Variants in FSD1 observed in about 807,000 individuals in gnomAD.
FSD1 encodes the protein fibronectin type III and SPRY domain containing 1.
A neutral mutation model predicts 58.2 loss-of-function variants in FSD1; 23 were observed. That is an observed-to-expected ratio of 0.40 (90% CI 0.28 to 0.56). The LOEUF is 0.56. Ranked by LOEUF, FSD1 falls within the 20% of genes least tolerant of loss-of-function variation. The pLI is 0.54. For synonymous variants in FSD1, 265 were observed against 263.4 expected (o/e 1.01, Z -0.06); for missense variants, 563 against 670.8 (o/e 0.84, Z 1.78).
chr19:4,311,775 C>A, intron 6 of FSD1, 67 bp from the exon 7 acceptor site: 1 of 1,472,888 alleles, frequency 6.8e-7, no homozygotes, highest in Non-Finnish European at 9.5e-7. Flanking sequence ...GGCAGCCCTG[C>A]AGCAAGCCCC....
At chr19:4,318,279 C>T (rs367852981) in intron 8 of FSD1, 67 bp from the exon 9 acceptor site, 5 of 1,607,532 alleles carry the variant, frequency 3.1e-6, no homozygotes, top group Admixed American at 3.3e-5. Flanking sequence ...CTCTCTGTCT[C>T]TCTGTCTCTC....
rs540812123 is a variant in FSD1, at chr19:4,317,383, C to T, written c.799+103C>T. 3 of 731,590 alleles carry T rather than the reference C, an allele frequency of 4.1e-6. No individual in the cohort carries two copies. The East Asian group carries it at 7.9e-5, about 19-fold the overall frequency. The allele number at this position is 731,590 out of a possible 1,614,324, so 45.3% of individuals were successfully genotyped here. A position where few individuals can be genotyped will look rare whatever the true frequency, so the allele number is the denominator to read the frequency against. On this transcript the variant is annotated intron_variant, in intron 8 of 12. Coordinates refer to ENST00000221856, the MANE Select transcript of FSD1 (RefSeq NM_024333.3). ...CTCGAAGCAGGGTTGCCCTGGCTGC[C>T]AGGAAGCTCAAAGCTCCGTCCACAG...
chr19:4,323,483 C>T lies in FSD1; in HGVS notation c.1380+47C>T, dbSNP rs1428125880. The T allele has an allele frequency of 4.4e-6, 7 of 1,596,914 alleles. No homozygotes were observed. Among genetic ancestry groups the T allele is most frequent in the African/African-American group, 1.3e-5 (1 of 74,622 alleles). On this transcript the variant is annotated intron_variant, in intron 12 of 12. Coordinates refer to ENST00000221856, the MANE Select transcript of FSD1 (RefSeq NM_024333.3). This position sits in a 1 kb window ranked among gnomAD's most constrained non-coding sequence, Gnocchi z 7.7. Reference sequence around the variant, plus strand: ...AGGGGGAGGAGAGGGTGGTGCTGGGCGCTGGGGTTTGAAGCTGAGCCCCTC... The same window carrying T: ...AGGGGGAGGAGAGGGTGGTGCTGGGTGCTGGGGTTTGAAGCTGAGCCCCTC...
intron 7 of FSD1, among the ~76,000 whole-genome samples, chr19:4,316,510 C>T (rs767696432): frequency 3.3e-5 from 5 of 151,968 alleles, no homozygotes; most frequent in South Asian, 4.1e-4. Context: ...CGTAAGCCAC[C>T]GCACCCAGAC....
chr19:4,319,216 CT>C (rs1465570448), intron 10 of FSD1, among the ~76,000 whole-genome samples: 1 of 152,220 alleles, frequency 6.6e-6, no homozygotes, highest in Non-Finnish European at 1.5e-5. Context: ...ATTTTCTGGA[CT>C]CCATGGAGTA....
At position 4,318,871 on chromosome 19, in the gene FSD1, G is replaced by T; in HGVS notation, c.960-1G>T. On this transcript the variant is annotated splice_acceptor_variant, in intron 9 of 12. Transcript: ENST00000221856. LOFTEE classifies it high-confidence loss of function. ...GCCTGCCCACTCCCTGCCCACCACA[G>T]AGGTACTCCATCTCCCAAGAGGATG... The T allele has an allele frequency of 6.2e-7, 1 of 1,613,396 alleles. No homozygotes were observed. The highest frequency in any genetic ancestry group is 1.7e-5 in the Admixed American group (1 of 60,010).
intron 6 of FSD1, chr19:4,311,433 G>C (rs1971689970): frequency 5.4e-6 from 1 of 186,310 alleles, no homozygotes; most frequent in Non-Finnish European, 1.1e-5. Flanking sequence ...TGGAATCCCA[G>C]CACTTTGGGA....
At chr19:4,310,688 G>C in intron 6 of FSD1, 92 bp downstream of exon 6, 7 of 1,427,218 alleles carry the variant, frequency 4.9e-6, no homozygotes, top group South Asian at 1.3e-5. Flanking sequence ...TATGGTGGAC[G>C]ACCCGGTGTC....
chr19:4,318,509 GCC>G lies in FSD1; in HGVS notation c.959+5_959+6del, dbSNP rs779117008. 8 of 1,594,188 alleles carry G rather than the reference GCC, an allele frequency of 5.0e-6. No individual in the cohort carries two copies. The Admixed American group carries it at 8.6e-5, about 17-fold the overall frequency. On this transcript the variant is annotated splice_donor_5th_base_variant and intron_variant, in intron 9 of 12. Coordinates refer to ENST00000221856, the MANE Select transcript of FSD1 (RefSeq NM_024333.3). ...CTCCCATCAACTCCCCAGCCAGGTA[GCC>G]TGCCCCCTCCCCTCCCTAAGTCTCT...
In FSD1 at chr19:4,318,504, A is replaced by T; in HGVS notation, c.958A>T (p.Arg320Ter). ...RTASPINSPA[R>*]GTPSPKRMPS... The stretch of plus-strand genomic sequence containing the variant: ...GGCGTCTCCCATCAACTCCCCAGCC[A>T]GGTAGCCTGCCCCCTCCCCTCCCTA... Residue 320 changes from arginine to a stop codon, truncating the protein, a stop_gained and splice_region_variant, in exon 9 of 13, where the codon AGA (arginine) becomes TGA (stop). Transcript: ENST00000221856. LOFTEE classifies it high-confidence loss of function. 6.3e-7 allele frequency: 1 copy of T among 1,599,554 alleles called. No individual in the cohort carries two copies. The highest frequency in any genetic ancestry group is 8.5e-7 in the Non-Finnish European group (1 of 1,172,594).
chr19:4,307,682 G>C (rs565804130), intron 3 of FSD1, among the ~76,000 whole-genome samples, 200 bp from the exon 4 acceptor site: 161 of 152,294 alleles, frequency 1.1e-3, no homozygotes, highest in Middle Eastern at 3.4e-3. Context: ...CGTGTTTTTA[G>C]GGAAGGGATT....
chr19:4,322,911 G>A (rs1461696323), intron 10 of FSD1, 75 bp from the exon 11 acceptor site: 1 of 1,505,364 alleles, frequency 6.6e-7, no homozygotes. Context: ...CTTGGGGGCT[G>A]GCCCTTTGTG....
At chr19:4,312,171 G>A in intron 7 of FSD1, 120 bp downstream of exon 7, 1 of 889,972 alleles carries the variant, frequency 1.1e-6, no homozygotes, top group Non-Finnish European at 1.7e-6. Context: ...GGGTCTGGAA[G>A]CAGCCTGGGG....
intron 8 of FSD1, among the ~76,000 whole-genome samples, chr19:4,317,754 C>G (rs1315080977): frequency 6.6e-6 from 1 of 152,232 alleles, no homozygotes; most frequent in African/African-American, 2.4e-5. Context: ...CACAGTGGCT[C>G]ACGCCTGTGA....
At chr19:4,309,028 T>C (rs1012438986) in intron 4 of FSD1, among the ~76,000 whole-genome samples, 12 of 152,092 alleles carry the variant, frequency 7.9e-5, no homozygotes, top group African/African-American at 2.9e-4. Flanking sequence ...TGAGCAGAGA[T>C]CGCACCACTG....
chr19:4,316,345 C>T (rs1203204927), intron 7 of FSD1, among the ~76,000 whole-genome samples: 1 of 151,880 alleles, frequency 6.6e-6, no homozygotes, highest in Non-Finnish European at 1.5e-5. Context: ...CCGCAGCCTC[C>T]TGAGTAGCTG....
chr19:4,308,818 A>G (rs1312146867), intron 4 of FSD1, among the ~76,000 whole-genome samples: 2 of 151,630 alleles, frequency 1.3e-5, no homozygotes, highest in African/African-American at 4.9e-5. Context: ...AGATCGCGCC[A>G]CCGCACTCCA....
chr19:4,316,501 G>A (rs953752644), intron 7 of FSD1, among the ~76,000 whole-genome samples: 5 of 151,978 alleles, frequency 3.3e-5, no homozygotes, highest in Admixed American at 1.3e-4. Context: ...CATTACAGGC[G>A]TAAGCCACCG....
intron 10 of FSD1, among the ~76,000 whole-genome samples, chr19:4,321,824 T>G (rs1272870856): frequency 1.4e-5 from 2 of 148,080 alleles, no homozygotes; most frequent in Non-Finnish European, 3.0e-5. Context: ...TCCCGAGGAG[T>G]ATCTGGGGGA....
Sources: allele counts gnomAD v4.1 joint callset (sites outside exome capture counted in the v4.1 genomes callset), GRCh38; gene constraint gnomAD v4.1.1; non-coding constraint Gnocchi (gnomAD v3.1); transcripts MANE v1.5; gene names NCBI Gene and HGNC (gene_info 2026-07-23, HGNC 2026-07-21).